PELI2: variants seen among roughly 807,000 people sequenced by gnomAD.
The protein encoded by PELI2 is E3 ubiquitin-protein ligase pellino homolog 2.
A neutral mutation model predicts 42.3 loss-of-function variants in PELI2; 23 were observed. The ratio of observed to expected loss-of-function variants is 0.54; its 90% CI spans 0.39 to 0.77. The LOEUF (loss-of-function observed/expected upper bound fraction) is 0.77. PELI2 is among the 30% of genes least tolerant of loss of function. The pLI, the probability that PELI2 is intolerant of heterozygous loss-of-function variation, is 0.00. For synonymous variants in PELI2, 245 were observed against 212.2 expected, an observed-to-expected ratio of 1.15 and a Z score of -1.34; for missense variants, 463 against 553.2, an observed-to-expected ratio of 0.84 and a Z score of 1.64.
chr14:56,139,896 A>C (rs1372924176), intron 1 of PELI2, among the ~76,000 whole-genome samples: 2 of 149,682 alleles, frequency 1.3e-5, no homozygotes, highest in African/African-American at 4.9e-5. Context: ...CTAAAAAAAA[A>C]AGGTGAGATT....
At chr14:56,209,215 A>G (rs570902308) in intron 2 of PELI2, among the ~76,000 whole-genome samples, 201 of 152,362 alleles carry the variant, frequency 1.3e-3, no homozygotes, top group Non-Finnish European at 2.1e-3. Flanking sequence ...AGAGTAAGAA[A>G]AGCTCATTGA....
chr14:56,239,407 T>A (rs1268132829), intron 2 of PELI2, among the ~76,000 whole-genome samples: 1 of 152,210 alleles, frequency 6.6e-6, no homozygotes, highest in Admixed American at 6.5e-5. Flanking sequence ...TATCAGTTAT[T>A]TGAGTTTGAT....
intron 2 of PELI2, among the ~76,000 whole-genome samples, chr14:56,236,850 A>C (rs575121052): frequency 6.6e-6 from 1 of 152,220 alleles, no homozygotes. Context: ...CTGGAGGTGC[A>C]TGGATCTCTC....
At chr14:56,245,894 ATATAT>A (rs751730782) in intron 2 of PELI2, among the ~76,000 whole-genome samples, 1 of 152,228 alleles carries the variant, frequency 6.6e-6, no homozygotes, top group South Asian at 2.1e-4. Context: ...GTATTAATAC[ATATAT>A]TATATGCAAA....
intron 2 of PELI2, among the ~76,000 whole-genome samples, chr14:56,223,844 A>G (rs1253741280): frequency 6.6e-6 from 1 of 152,204 alleles, no homozygotes; most frequent in African/African-American, 2.4e-5. Flanking sequence ...ATTTGAATGC[A>G]GTTTGCTAAA....
At position 56,135,943 on chromosome 14, in the gene PELI2, A is replaced by G. The variant is rs368117216; in HGVS notation, c.77+17206A>G. ...TTTGTGATTCTGCTTTTTCTAACAC[A>G]TCATATGGAGTCTGCTTGCATCTTT... is the stretch of plus-strand genomic sequence containing the variant. On this transcript the variant is annotated intron_variant, in intron 1 of 5. Transcript: ENST00000267460. Among the ~76,000 whole-genome samples the G allele has an allele frequency of 1.4e-4, 21 of 152,288 alleles. 1 individual carries two copies. Among genetic ancestry groups the G allele is most frequent in the Admixed American group, 8.5e-4 (13 of 15,294 alleles).
At chr14:56,122,993 G>A (rs929567742) in intron 1 of PELI2, among the ~76,000 whole-genome samples, 1 of 152,106 alleles carries the variant, frequency 6.6e-6, no homozygotes, top group Admixed American at 6.5e-5. Flanking sequence ...CACAAAAAGA[G>A]GGTAAGAACC....
chr14:56,209,893 G>A (rs1419417445), intron 2 of PELI2, among the ~76,000 whole-genome samples: 1 of 152,222 alleles, frequency 6.6e-6, no homozygotes, highest in African/African-American at 2.4e-5. Context: ...GCAGGGTCAG[G>A]AACTACCGGA....
chr14:56,287,168 A>G (rs900809332), intron 3 of PELI2, among the ~76,000 whole-genome samples: 3 of 152,192 alleles, frequency 2.0e-5, no homozygotes, highest in Admixed American at 6.6e-5. Context: ...GACTGTCGCT[A>G]TGAGGCTCCA....
At chr14:56,142,125 C>T (rs1883935019) in intron 1 of PELI2, among the ~76,000 whole-genome samples, 2 of 152,176 alleles carry the variant, frequency 1.3e-5, no homozygotes, top group African/African-American at 4.8e-5. Flanking sequence ...CTGATCTCTG[C>T]TTCATCTGTA....
intron 1 of PELI2, among the ~76,000 whole-genome samples, chr14:56,129,112 G>C (rs1435755614): frequency 6.6e-6 from 1 of 152,168 alleles, no homozygotes; most frequent in Non-Finnish European, 1.5e-5. Flanking sequence ...CCCAGTAAAG[G>C]CTGTGGCCTC....
chr14:56,183,330 G>A (rs930788949), intron 2 of PELI2, among the ~76,000 whole-genome samples: 3 of 151,814 alleles, frequency 2.0e-5, no homozygotes, highest in African/African-American at 7.3e-5. Flanking sequence ...CTAGAATCAA[G>A]AACAATTTGA....
In PELI2 at chr14:56,254,894, A is replaced by G. The variant is rs151089133; in HGVS notation, c.208-24782A>G. ...CAACAAATACGAAAAAATTTCCATT[A>G]TCACTGGTCATCAGAGAAATGCAAA... On this transcript the variant is annotated intron_variant, in intron 2 of 5. Transcript: ENST00000267460. Among the ~76,000 whole-genome samples, 8 of 152,384 alleles carry G rather than the reference A, an allele frequency of 5.2e-5. No homozygotes were observed. The East Asian group carries it at 1.2e-3, about 22-fold the overall frequency.
chr14:56,249,357 A>G (rs1888267402), intron 2 of PELI2, among the ~76,000 whole-genome samples: 1 of 152,028 alleles, frequency 6.6e-6, no homozygotes, highest in Admixed American at 6.5e-5. Context: ...CCCTCATCAC[A>G]TTGTTGGTTA....
intron 1 of PELI2, among the ~76,000 whole-genome samples, chr14:56,161,142 C>T (rs770606310): frequency 4.6e-5 from 7 of 152,300 alleles, no homozygotes; most frequent in South Asian, 2.1e-4. Context: ...TAGAATCACA[C>T]GTGTAAGACA....
At chr14:56,263,650 T>A (rs991551827) in intron 2 of PELI2, among the ~76,000 whole-genome samples, 4 of 152,108 alleles carry the variant, frequency 2.6e-5, no homozygotes, top group African/African-American at 9.7e-5. Context: ...CAGGAAGATA[T>A]AAATATATTT....
chr14:56,233,920 C>G (rs1052053465), intron 2 of PELI2, among the ~76,000 whole-genome samples: 2 of 151,954 alleles, frequency 1.3e-5, no homozygotes, highest in African/African-American at 4.8e-5. Flanking sequence ...GGAATATTAA[C>G]CCCATCAAAA....
chr14:56,125,522 C>CT (rs1235148343), intron 1 of PELI2, among the ~76,000 whole-genome samples: 1 of 152,088 alleles, frequency 6.6e-6, no homozygotes, highest in Admixed American at 6.6e-5. Context: ...GTCCTGTGTC[C>CT]TTTGAGAGTC....
At chr14:56,274,763 A>G (rs1466768900) in intron 2 of PELI2, among the ~76,000 whole-genome samples, 1 of 152,204 alleles carries the variant, frequency 6.6e-6, no homozygotes, top group Non-Finnish European at 1.5e-5. Flanking sequence ...AAGAAAATAC[A>G]TATCCTCAGC....
Sources: gnomAD v4.1 joint callset for allele counts (sites outside exome capture counted in the v4.1 genomes callset) on GRCh38, gnomAD v4.1.1 for gene constraint, MANE v1.5 for transcripts, NCBI Gene and HGNC (gene_info 2026-07-23, HGNC 2026-07-21) for gene names.